The following ADGRB3 variants were observed in gnomAD, a reference collection of about 807,000 sequenced individuals.
ADGRB3 encodes brain-specific angiogenesis inhibitor 3.
ADGRB3 carries 37 observed loss-of-function variants against 193.4 expected under a neutral mutation model. That is an observed-to-expected ratio of 0.19 (90% CI 0.15 to 0.25). The LOEUF (loss-of-function observed/expected upper bound fraction) is 0.25, where lower values mean the gene tolerates loss of function less well. Ranked by LOEUF, ADGRB3 falls within the 10% of genes least tolerant of loss-of-function variation. ADGRB3 has a pLI of 1.00. For synonymous variants in ADGRB3, 690 were observed against 644.2 expected (o/e 1.07, Z -1.08); for missense variants, 1,637 against 1,852.9 (o/e 0.88, Z 2.14).
At chr6:69,217,398 G>T (rs1765791452) in intron 17 of ADGRB3, among the ~76,000 whole-genome samples, 1 of 152,146 alleles carries the variant, frequency 6.6e-6, no homozygotes, top group African/African-American at 2.4e-5. Context: ...AGAAAAAAAA[G>T]ATTTTTATGA....
At chr6:69,333,817 C>T (rs539774714) in intron 24 of ADGRB3, among the ~76,000 whole-genome samples, 81 of 151,040 alleles carry the variant, frequency 5.4e-4, no homozygotes, top group Non-Finnish European at 9.9e-4. Context: ...GTAGTCCCAG[C>T]TACTCGGGAG....
chr6:69,349,793 CAAG>C (rs1357648306), intron 26 of ADGRB3, among the ~76,000 whole-genome samples: 2 of 152,162 alleles, frequency 1.3e-5, no homozygotes, highest in African/African-American at 4.8e-5. Context: ...AATAGGAAAT[CAAG>C]AAGAATTACT....
chr6:68,813,044 G>C (rs927736046), intron 3 of ADGRB3, among the ~76,000 whole-genome samples: 1 of 152,156 alleles, frequency 6.6e-6, no homozygotes, highest in Non-Finnish European at 1.5e-5. Context: ...AACGTGAAGT[G>C]TATCTCCCAG....
chr6:68,667,232 C>A (rs1357071423), intron 3 of ADGRB3, among the ~76,000 whole-genome samples: 3 of 151,954 alleles, frequency 2.0e-5, no homozygotes, highest in Non-Finnish European at 4.4e-5. Flanking sequence ...ACTCCCATTA[C>A]TTAAAAGGAA....
intron 5 of ADGRB3, among the ~76,000 whole-genome samples, chr6:68,940,515 G>C (rs1189330281): frequency 7.4e-6 from 1 of 134,792 alleles, no homozygotes. Flanking sequence ...TCCTGTAGCA[G>C]AAGTTTCTGC....
intron 3 of ADGRB3, among the ~76,000 whole-genome samples, chr6:68,760,646 C>T (rs1766379889): frequency 6.6e-6 from 1 of 152,148 alleles, no homozygotes; most frequent in Non-Finnish European, 1.5e-5. Flanking sequence ...AATGGTGGTT[C>T]CTGGCAAAGA....
chr6:69,100,376 T>C (rs911676773), intron 17 of ADGRB3, among the ~76,000 whole-genome samples: 4 of 152,148 alleles, frequency 2.6e-5, no homozygotes, highest in Non-Finnish European at 4.4e-5. Flanking sequence ...AAAACATATG[T>C]TCCAATCCAT....
intron 3 of ADGRB3, among the ~76,000 whole-genome samples, chr6:68,747,497 A>G (rs564065061): frequency 6.6e-6 from 1 of 152,240 alleles, no homozygotes; most frequent in Non-Finnish European, 1.5e-5. Context: ...TTGAACCTAT[A>G]GAATACATTC....
chr6:69,044,431 C>G (rs1437496962), intron 13 of ADGRB3, among the ~76,000 whole-genome samples: 1 of 152,178 alleles, frequency 6.6e-6, no homozygotes, highest in Non-Finnish European at 1.5e-5. Flanking sequence ...TTATTTCCCT[C>G]AGGGAAAAGG....
intron 11 of ADGRB3, among the ~76,000 whole-genome samples, chr6:69,005,373 A>AC (rs776607399): frequency 1.4e-4 from 22 of 151,758 alleles, no homozygotes; most frequent in Non-Finnish European, 3.2e-4. Context: ...AGAGCGTTGT[A>AC]TAAAAAATTC....
At chr6:69,071,832 G>C (rs888696130) in intron 16 of ADGRB3, among the ~76,000 whole-genome samples, 1 of 151,946 alleles carries the variant, frequency 6.6e-6, no homozygotes, top group African/African-American at 2.4e-5. Flanking sequence ...CTACAGATTA[G>C]TACTTAGCTT....
intron 3 of ADGRB3, among the ~76,000 whole-genome samples, chr6:68,779,230 A>ATGTG (rs4038665): frequency 0.33 from 48,163 of 144,272 alleles, 8,173 homozygotes; most frequent in East Asian, 0.59. Flanking sequence ...TGTATATATT[A>ATGTG]TGTGTGTGTG....
At chr6:69,369,128 G>T (rs1769652129) in intron 29 of ADGRB3, among the ~76,000 whole-genome samples, 2 of 152,202 alleles carry the variant, frequency 1.3e-5, no homozygotes, top group African/African-American at 4.8e-5. Flanking sequence ...CAGAAAAATT[G>T]TTATGGCTTG....
In ADGRB3 at chr6:68,635,296, C is replaced by G. The variant is rs1197740855; in HGVS notation, c.-892C>G. On this transcript the variant is annotated 5_prime_UTR_variant, in exon 1 of 32. Transcript: ENST00000370598. The stretch of plus-strand genomic sequence containing the variant: ...GGAGAGCGAGCACTGCGCGCCGGCG[C>G]GCACACCCGAGACAGAGCTTTACTA... 2 of 151,086 alleles carry G rather than the reference C, an allele frequency of 1.3e-5. No individual in the cohort carries two copies. Among genetic ancestry groups the G allele is most frequent in the African/African-American group, 4.8e-5 (2 of 41,258 alleles). 9.4% of individuals were successfully genotyped at this position (151,086 alleles called of 1,614,324 possible). A position where few individuals can be genotyped will look rare whatever the true frequency, so the allele number is the denominator to read the frequency against.
At chr6:69,240,326 G>A (rs76332952) in intron 20 of ADGRB3, among the ~76,000 whole-genome samples, 1,932 of 152,022 alleles carry the variant, frequency 0.013, 42 homozygotes, top group South Asian at 0.04. Context: ...AATCCTGAAG[G>A]AAAAACAAAA....
At chr6:69,011,011 C>T (rs969039608) in intron 11 of ADGRB3, among the ~76,000 whole-genome samples, 4 of 151,900 alleles carry the variant, frequency 2.6e-5, no homozygotes, top group African/African-American at 9.7e-5. Context: ...CCTGAAATGT[C>T]ATGAGTCTCC....
At chr6:68,843,310 T>A (rs1200601984) in intron 3 of ADGRB3, among the ~76,000 whole-genome samples, 1 of 151,930 alleles carries the variant, frequency 6.6e-6, no homozygotes, top group Non-Finnish European at 1.5e-5. Flanking sequence ...TTAGAGATAA[T>A]AAACAAATTT....
intron 3 of ADGRB3, among the ~76,000 whole-genome samples, chr6:68,863,796 C>T (rs1302121111): frequency 6.6e-6 from 1 of 152,082 alleles, no homozygotes; most frequent in African/African-American, 2.4e-5. Flanking sequence ...TCTCAATATC[C>T]GTTACATTAA....
intron 13 of ADGRB3, among the ~76,000 whole-genome samples, chr6:69,034,577 A>G (rs1347305346): frequency 1.4e-5 from 2 of 147,212 alleles, no homozygotes; most frequent in South Asian, 2.1e-4. Context: ...ATAGCTATAT[A>G]TTTTATAAAT....
Sources: gnomAD v4.1 joint callset for allele counts (sites outside exome capture counted in the v4.1 genomes callset) on GRCh38, gnomAD v4.1.1 for gene constraint, MANE v1.5 for transcripts, NCBI Gene and HGNC (gene_info 2026-07-23, HGNC 2026-07-21) for gene names.